The following DAPK1 variants were observed in gnomAD, a reference collection of about 807,000 sequenced individuals.
DAPK1 encodes death associated protein kinase 1.
Under a neutral mutation model 144.9 loss-of-function variants are expected in DAPK1, and 56 were observed. The ratio of observed to expected loss-of-function variants is 0.39; its 90% CI spans 0.31 to 0.48. The LOEUF is 0.48. Ranked by LOEUF, DAPK1 falls within the 20% of genes least tolerant of loss-of-function variation. DAPK1 has a pLI of 0.95. For missense variants in DAPK1, 1,454 were observed against 1,875.4 expected, an observed-to-expected ratio of 0.78 and a Z score of 4.15; for synonymous variants, 690 against 749.0, an observed-to-expected ratio of 0.92 and a Z score of 1.29.
At chr9:87,693,062 T>C (rs1825131313) in intron 21 of DAPK1, among the ~76,000 whole-genome samples, 1 of 148,956 alleles carries the variant, frequency 6.7e-6, no homozygotes. Flanking sequence ...GAGGACCTTT[T>C]TTCGATTGTA....
chr9:87,703,232 GC>G lies in DAPK1; in HGVS notation c.3060+18del. On this transcript the variant is annotated intron_variant, in intron 25 of 25. Coordinates refer to ENST00000408954, the MANE Select transcript of DAPK1 (RefSeq NM_004938.4). Reference sequence around the variant, plus strand: ...GCACAGGCGAGGTGAGCCCCTGGGAGCCCAGGCAGGGGGCCGTGAGAGGTGC... The same window carrying G: ...GCACAGGCGAGGTGAGCCCCTGGGAGCCAGGCAGGGGGCCGTGAGAGGTGC... 2 of 1,554,290 alleles carry G rather than the reference GC, an allele frequency of 1.3e-6. No individual in the cohort carries two copies. Among genetic ancestry groups the G allele is most frequent in the Non-Finnish European group, 1.8e-6 (2 of 1,126,940 alleles).
At chr9:87,610,365 C>T (rs1168798932) in intron 3 of DAPK1, among the ~76,000 whole-genome samples, 6 of 152,382 alleles carry the variant, frequency 3.9e-5, no homozygotes, top group South Asian at 2.1e-4. Flanking sequence ...CATCATCACA[C>T]GGGCAAGCCA....
intron 2 of DAPK1, among the ~76,000 whole-genome samples, chr9:87,578,942 T>C (rs935158862): frequency 3.3e-5 from 5 of 152,236 alleles, no homozygotes; most frequent in African/African-American, 9.6e-5. Flanking sequence ...TCATCTCTAA[T>C]GTTTTGTACC....
At chr9:87,503,113 A>G (rs1824468549) in intron 2 of DAPK1, among the ~76,000 whole-genome samples, 1 of 152,184 alleles carries the variant, frequency 6.6e-6, no homozygotes, top group African/African-American at 2.4e-5. Flanking sequence ...GAGTGTTGTT[A>G]GAATTACAGA....
chr9:87,510,265 A>G (rs1292211513), intron 2 of DAPK1, among the ~76,000 whole-genome samples: 1 of 152,180 alleles, frequency 6.6e-6, no homozygotes, highest in Non-Finnish European at 1.5e-5. Flanking sequence ...GGTTTTGTTC[A>G]GTGTGATTTG....
At chr9:87,657,625 CT>C (rs1304312918) in intron 17 of DAPK1, 2 of 230,056 alleles carry the variant, frequency 8.7e-6, no homozygotes, top group Non-Finnish European at 1.7e-5. Context: ...ACAAACAAGG[CT>C]TATGGGCTTG....
At chr9:87,564,572 G>C (rs1827046896) in intron 2 of DAPK1, among the ~76,000 whole-genome samples, 1 of 151,490 alleles carries the variant, frequency 6.6e-6, no homozygotes, top group Non-Finnish European at 1.5e-5. Flanking sequence ...GAAGGCAAGA[G>C]GGATGGGGAG....
Position 87,497,924 on chromosome 9 carries a change from C to A in DAPK1, c.-292C>A. 2.5e-6 allele frequency: 1 copy of A among 396,008 alleles called. No individual in the cohort carries two copies. Among genetic ancestry groups the A allele is most frequent in the Admixed American group, 4.4e-5 (1 of 22,664 alleles). 24.5% of individuals were successfully genotyped at this position (396,008 alleles called of 1,614,324 possible). A position where few individuals can be genotyped will look rare whatever the true frequency, so the allele number is the denominator to read the frequency against. On this transcript the variant is annotated 5_prime_UTR_variant, in exon 1 of 26. Coordinates refer to ENST00000408954, the MANE Select transcript of DAPK1 (RefSeq NM_004938.4). ...GCCAACGCCGGGGACTTTGTTCCCT[C>A]CGCGGAGGGGACTCGGCAACTCGCA...
chr9:87,706,893 G>C lies in DAPK1; in HGVS notation c.3822G>C (p.Gly1274=). The part of the protein sequence containing the change: ...KETSLTNTMG[G]YKESFSSIMC... ...CCTCACTGACCAACACCATGGGGGG[G>C]TACAAGGAAAGCTTCAGCAGCATCA... is the stretch of plus-strand genomic sequence containing the variant. Residue 1274 remains glycine (G), a synonymous_variant, in exon 26 of 26, where the codon GGG becomes GGC. Transcript: ENST00000408954. The surrounding 1 kb of genome is among the most constrained non-coding windows in gnomAD (Gnocchi z 9.0). 1 of 1,614,010 alleles carries C rather than the reference G, an allele frequency of 6.2e-7. No homozygotes were observed. Among genetic ancestry groups the C allele is most frequent in the African/African-American group, 1.3e-5 (1 of 75,052 alleles).
chr9:87,678,225 T>C (rs1459578471), intron 19 of DAPK1, among the ~76,000 whole-genome samples: 2 of 152,140 alleles, frequency 1.3e-5, no homozygotes, highest in African/African-American at 2.4e-5. Context: ...CCTTGTAGAA[T>C]TTATAGACAG....
chr9:87,595,876 C>T (rs1197100739), intron 2 of DAPK1, among the ~76,000 whole-genome samples: 1 of 152,170 alleles, frequency 6.6e-6, no homozygotes, highest in East Asian at 1.9e-4. Context: ...CCGTGGCAAC[C>T]TGAGCTGCTT....
chr9:87,572,678 A>G (rs1827402495), intron 2 of DAPK1, among the ~76,000 whole-genome samples: 1 of 152,072 alleles, frequency 6.6e-6, no homozygotes. Flanking sequence ...ACCATCCACC[A>G]AGAGTGAAGG....
At chr9:87,669,854 T>C (rs1352416631) in intron 19 of DAPK1, among the ~76,000 whole-genome samples, 1 of 152,144 alleles carries the variant, frequency 6.6e-6, no homozygotes, top group East Asian at 1.9e-4. Flanking sequence ...TAAAACCCCT[T>C]GGAGTTGACC....
intron 2 of DAPK1, among the ~76,000 whole-genome samples, chr9:87,519,433 G>A (rs1825209221): frequency 6.6e-6 from 1 of 152,190 alleles, no homozygotes; most frequent in Non-Finnish European, 1.5e-5. Context: ...AGGAATCTGA[G>A]GATGATTGGT....
intron 3 of DAPK1, among the ~76,000 whole-genome samples, chr9:87,628,911 C>A (rs1283343607): frequency 1.3e-5 from 2 of 152,212 alleles, no homozygotes; most frequent in Admixed American, 1.3e-4. Context: ...TCAGTGGATT[C>A]TAATTATCTT....
chr9:87,584,783 T>A lies in DAPK1; in HGVS notation c.63-20171T>A, dbSNP rs564268835. Among the ~76,000 whole-genome samples, 16 of 152,240 alleles carry A rather than the reference T, an allele frequency of 1.1e-4. No individual in the cohort carries two copies. In the East Asian group the frequency reaches 2.7e-3, roughly 26 times the overall value. On this transcript the variant is annotated intron_variant, in intron 2 of 25. Transcript: ENST00000408954. ...TCTCCACCTCCTGGGTTCAACTGAT[T>A]CTCCTGCCTCAGCCTCCTGAGTGGC...
chr9:87,631,700 A>T (rs1829696940), intron 3 of DAPK1, among the ~76,000 whole-genome samples: 1 of 152,184 alleles, frequency 6.6e-6, no homozygotes. Context: ...TTTTTTATTG[A>T]TTCCCTTGTT....
Position 87,571,480 on chromosome 9 carries a change from C to CCCCA in DAPK1, c.63-33474_63-33473insCCCA, listed in dbSNP as rs1403000417. 2.1e-4 allele frequency among the ~76,000 whole-genome samples: 13 copies of CCCCA among 61,058 alleles called. 1 individual carries two copies. Among genetic ancestry groups the CCCCA allele is most frequent in the African/African-American group, 6.9e-4 (10 of 14,548 alleles). The allele number at this position is 61,058 out of a possible 152,430, so 40.1% of individuals were successfully genotyped here. A position where few individuals can be genotyped will look rare whatever the true frequency, so the allele number is the denominator to read the frequency against. On this transcript the variant is annotated intron_variant, in intron 2 of 25. Coordinates refer to ENST00000408954, the MANE Select transcript of DAPK1 (RefSeq NM_004938.4). ...ACACACACACACACACACACCAACA[C>CCCCA]ACACACACACACACCCCAACACACA...
rs570977982 is a variant in DAPK1, at chr9:87,699,371, A to C, written c.2750+577A>C. Among the ~76,000 whole-genome samples the C allele has an allele frequency of 4.6e-5, 7 of 152,270 alleles. No individual in the cohort carries two copies. The South Asian group carries it at 8.3e-4, about 18-fold the overall frequency. On this transcript the variant is annotated intron_variant, in intron 23 of 25. Transcript: ENST00000408954. ...TGTCTTACAATATAAGTTGCAACCT[A>C]CTAGTGAGTCTTAAAATTCATTTAG...
Sources: gnomAD v4.1 joint callset for allele counts (sites outside exome capture counted in the v4.1 genomes callset) on GRCh38, gnomAD v4.1.1 for gene constraint, Gnocchi (gnomAD v3.1) non-coding constraint, MANE v1.5 for transcripts, NCBI Gene and HGNC (gene_info 2026-07-23, HGNC 2026-07-21) for gene names.